CTNNA3: variants seen among roughly 807,000 people sequenced by gnomAD.
CTNNA3 encodes catenin alpha 3, also known as catenin alpha-3.
In CTNNA3, 76 loss-of-function variants were observed where a neutral mutation model predicts 95.7. That is an observed-to-expected ratio of 0.79 (90% confidence interval 0.66 to 0.96). The LOEUF (loss-of-function observed/expected upper bound fraction) is 0.96, where lower values mean the gene tolerates loss of function less well. Among genes scored for constraint, CTNNA3 ranks in the 40% least tolerant of loss-of-function variants. CTNNA3 has a pLI of 0.00. For synonymous variants in CTNNA3, 431 were observed against 374.4 expected (o/e 1.15, Z -1.74); for missense variants, 1,191 against 1,089.8 (o/e 1.09, Z -1.31).
chr10:67,576,290 G>A (rs1292592550), intron 3 of CTNNA3, among the ~76,000 whole-genome samples: 1 of 152,134 alleles, frequency 6.6e-6, no homozygotes, highest in East Asian at 1.9e-4. Context: ...TTTAAGCCTT[G>A]ACCTTGAGAG....
chr10:67,027,250 A>T (rs1853445366), intron 7 of CTNNA3, among the ~76,000 whole-genome samples: 1 of 152,176 alleles, frequency 6.6e-6, no homozygotes, highest in South Asian at 2.1e-4. Context: ...GAAAAGGAAG[A>T]TAGAGCTGAA....
In CTNNA3 at chr10:66,069,396, T is replaced by C. The variant is rs374172412; in HGVS notation, c.2071A>G (p.Ile691Val). The C allele has an allele frequency of 5.0e-6, 8 of 1,613,592 alleles. No homozygotes were observed. The African/African-American group carries it at 1.1e-4, about 22-fold the overall frequency. ...TTGCTTGTATCATCCCATATCTCAA[T>C]CTCAGCATCCAGCTTACTCTTTACT... ...KKVKSKLDAE[I>V]EIWDDTSNDI... The change falls in exon 15 of 18, where the codon ATT (isoleucine) becomes GTT (valine). Residue 691 changes from isoleucine to valine, a missense_variant. By Grantham distance (29) the Ile-to-Val change is conservative. Transcript: ENST00000433211.
At chr10:66,833,624 G>A (rs944670341) in intron 7 of CTNNA3, among the ~76,000 whole-genome samples, 5 of 152,140 alleles carry the variant, frequency 3.3e-5, no homozygotes, top group African/African-American at 1.2e-4. Context: ...TATTGAAGTA[G>A]TGTGTTCCTA....
chr10:66,414,341 A>G (rs1212793143), intron 11 of CTNNA3, among the ~76,000 whole-genome samples: 1 of 152,150 alleles, frequency 6.6e-6, no homozygotes, highest in African/African-American at 2.4e-5. Context: ...GTGACAGGCA[A>G]TATCTAAAGT....
intron 13 of CTNNA3, among the ~76,000 whole-genome samples, chr10:66,191,679 C>T (rs564045268): frequency 2.0e-5 from 3 of 151,794 alleles, no homozygotes; most frequent in East Asian, 3.9e-4. Flanking sequence ...AGCCTAGACA[C>T]TCAGATTCTG....
At chr10:67,000,090 A>G (rs1851589861) in intron 7 of CTNNA3, among the ~76,000 whole-genome samples, 1 of 152,186 alleles carries the variant, frequency 6.6e-6, no homozygotes. Flanking sequence ...CATTTTCTCC[A>G]TATTTCTAAC....
intron 13 of CTNNA3, among the ~76,000 whole-genome samples, chr10:66,125,949 C>T (rs2082812369): frequency 6.6e-6 from 1 of 152,030 alleles, no homozygotes; most frequent in Non-Finnish European, 1.5e-5. Flanking sequence ...TTGTCAAAAG[C>T]CATAGAAATT....
At chr10:67,558,839 C>T (rs150658110) in intron 3 of CTNNA3, among the ~76,000 whole-genome samples, 1,752 of 152,318 alleles carry the variant, frequency 0.012, 39 homozygotes, top group African/African-American at 0.039. Flanking sequence ...GATTATATCC[C>T]GCACATGGCT....
intron 7 of CTNNA3, among the ~76,000 whole-genome samples, chr10:67,002,644 A>G (rs1851752736): frequency 6.6e-6 from 1 of 152,110 alleles, no homozygotes; most frequent in Admixed American, 6.6e-5. Flanking sequence ...CTAGCTGGGT[A>G]CTGGGCCATG....
At chr10:66,538,526 C>CA (rs1841736304) in intron 10 of CTNNA3, among the ~76,000 whole-genome samples, 1 of 152,116 alleles carries the variant, frequency 6.6e-6, no homozygotes, top group Non-Finnish European at 1.5e-5. Flanking sequence ...CAAACATAAC[C>CA]AAAAAGAAAG....
chr10:66,692,950 C>G (rs1431270909), intron 9 of CTNNA3, among the ~76,000 whole-genome samples: 1 of 152,136 alleles, frequency 6.6e-6, no homozygotes, highest in Non-Finnish European at 1.5e-5. Flanking sequence ...CCTAAAAGAG[C>G]TCCTGAAGGA....
intron 14 of CTNNA3, among the ~76,000 whole-genome samples, chr10:66,083,456 G>A (rs75789760): frequency 0.023 from 3,438 of 152,164 alleles, 134 homozygotes; most frequent in African/African-American, 0.077. Flanking sequence ...TTCACGTGAG[G>A]GTCAAAGGAC....
chr10:66,501,302 C>G (rs1840268694), intron 11 of CTNNA3, among the ~76,000 whole-genome samples: 1 of 152,058 alleles, frequency 6.6e-6, no homozygotes. Context: ...ATAGTGATCA[C>G]AAATTCAAAT....
At chr10:67,607,341 G>A (rs764379512) in intron 2 of CTNNA3, among the ~76,000 whole-genome samples, 8 of 150,228 alleles carry the variant, frequency 5.3e-5, no homozygotes, top group South Asian at 2.1e-4. Context: ...AGATGAGCTA[G>A]AGAGACGATA....
chr10:67,521,737 C>A lies in CTNNA3; in HGVS notation c.579+105G>T, dbSNP rs10509289. 1.2e-5 allele frequency: 17 copies of A among 1,391,990 alleles called. No homozygotes were observed. In the South Asian group the frequency reaches 1.8e-4, roughly 15 times the overall value. 86.2% of individuals were successfully genotyped at this position (1,391,990 alleles called of 1,614,324 possible). On this transcript the variant is annotated intron_variant, in intron 5 of 17. Coordinates refer to ENST00000433211, the MANE Select transcript of CTNNA3 (RefSeq NM_013266.4). ...CAGCACAACCTGTATCTGCTCTAAC[C>A]ATTAGAAGATAAGTTTCCTCAGACC... is the stretch of plus-strand genomic sequence containing the variant.
intron 3 of CTNNA3, among the ~76,000 whole-genome samples, chr10:67,566,814 A>C (rs1317809648): frequency 2.0e-5 from 3 of 152,098 alleles, no homozygotes; most frequent in African/African-American, 7.2e-5. Context: ...AATGTGGCAC[A>C]TATACACCAT....
chr10:66,530,229 G>T (rs1237974350), intron 10 of CTNNA3, among the ~76,000 whole-genome samples: 1 of 152,012 alleles, frequency 6.6e-6, no homozygotes, highest in Non-Finnish European at 1.5e-5. Flanking sequence ...TCAGTGGCAC[G>T]GCAAGTAGAG....
At chr10:66,979,995 G>A (rs556659727) in intron 7 of CTNNA3, among the ~76,000 whole-genome samples, 3 of 152,306 alleles carry the variant, frequency 2.0e-5, no homozygotes, top group Non-Finnish European at 4.4e-5. Context: ...TTCAAAAGAA[G>A]AGGAAGGAAA....
intron 15 of CTNNA3, among the ~76,000 whole-genome samples, chr10:66,064,952 A>G (rs1172198857): frequency 2.0e-5 from 3 of 152,168 alleles, no homozygotes; most frequent in Non-Finnish European, 4.4e-5. Context: ...GCTGTTATAA[A>G]TTCTGGGTAT....
Sources: gnomAD v4.1 joint callset for allele counts (sites outside exome capture counted in the v4.1 genomes callset) on GRCh38, gnomAD v4.1.1 for gene constraint, MANE v1.5 for transcripts, NCBI Gene and HGNC (gene_info 2026-07-23, HGNC 2026-07-21) for gene names.